ARID5B: variants seen among roughly 807,000 people sequenced by gnomAD.
The protein encoded by ARID5B is AT-rich interaction domain 5B.
In ARID5B, 13 loss-of-function variants were observed where a neutral mutation model predicts 97.2. That is an observed-to-expected ratio of 0.13 (90% CI 0.09 to 0.21). ARID5B has a LOEUF of 0.21. ARID5B is among the 10% of genes least tolerant of loss of function. The probability of loss-of-function intolerance (pLI) is 1.00; values close to 1 mark genes in which losing one functional copy is unlikely to be tolerated. For missense variants in ARID5B, 1,210 were observed against 1,465.3 expected (o/e 0.83, Z 2.84); for synonymous variants, 556 against 570.3 (o/e 0.97, Z 0.36).
At chr10:61,986,707 C>A (rs2132851388) in intron 3 of ARID5B, among the ~76,000 whole-genome samples, 1 of 152,256 alleles carries the variant, frequency 6.6e-6, no homozygotes, top group East Asian at 1.9e-4. Context: ...TGCTGTGGTG[C>A]CCCTTTTCCA....
rs61686931 is a variant in ARID5B at position 61,947,417 on chromosome 10, C to T, written c.502+7009C>T. ...CCAAGTAGCTGGGATTACAGGTGCCCGCCACCATGCCCAGCTAATTTTTGT... is the reference window on the plus strand; with the variant it reads ...CCAAGTAGCTGGGATTACAGGTGCCTGCCACCATGCCCAGCTAATTTTTGT... On this transcript the variant is annotated intron_variant, in intron 3 of 9. Coordinates refer to ENST00000279873, the MANE Select transcript of ARID5B (RefSeq NM_032199.3). 2.5e-3 allele frequency among the ~76,000 whole-genome samples: 376 copies of T among 151,690 alleles called. 3 individuals are homozygous for T. Among genetic ancestry groups the T allele is most frequent in the African/African-American group, 8.7e-3 (358 of 41,324 alleles).
At chr10:62,048,103 A>G (rs1007054493) in intron 4 of ARID5B, among the ~76,000 whole-genome samples, 1 of 152,232 alleles carries the variant, frequency 6.6e-6, no homozygotes, top group East Asian at 1.9e-4. Flanking sequence ...ATAAGTAGTA[A>G]AGGTGAATGC....
chr10:61,969,670 T>G (rs1838597429), intron 3 of ARID5B, among the ~76,000 whole-genome samples: 1 of 152,184 alleles, frequency 6.6e-6, no homozygotes, highest in African/African-American at 2.4e-5. Flanking sequence ...CTGCCATGAG[T>G]GTGAAAGAGG....
intron 3 of ARID5B, among the ~76,000 whole-genome samples, chr10:61,971,994 T>C (rs1160463351): frequency 1.3e-5 from 2 of 152,186 alleles, no homozygotes; most frequent in Non-Finnish European, 2.9e-5. Context: ...TTTCTTTCTC[T>C]ATGTCCACGT....
At chr10:61,972,127 C>CA (rs1838636196) in intron 3 of ARID5B, among the ~76,000 whole-genome samples, 1 of 151,358 alleles carries the variant, frequency 6.6e-6, no homozygotes, top group Non-Finnish European at 1.5e-5. Context: ...ACTGAGATAA[C>CA]TAGTGTTGAT....
chr10:61,944,233 A>G (rs967217371), intron 3 of ARID5B, among the ~76,000 whole-genome samples: 2 of 152,232 alleles, frequency 1.3e-5, no homozygotes, highest in African/African-American at 2.4e-5. Flanking sequence ...TAAGGAATGT[A>G]TTATTCATAA....
Position 61,921,971 on chromosome 10 carries a change from A to G in ARID5B, c.277-18212A>G, listed in dbSNP as rs187298201. On this transcript the variant is annotated intron_variant, in intron 2 of 9. Coordinates refer to ENST00000279873, the MANE Select transcript of ARID5B (RefSeq NM_032199.3). Reference sequence around the variant, plus strand: ...ATCCTCCCACCTCAGCCTTCCAAATAGCTGGGACCACAGGCGTGCACCACT... The same window carrying G: ...ATCCTCCCACCTCAGCCTTCCAAATGGCTGGGACCACAGGCGTGCACCACT... 1.6e-3 allele frequency among the ~76,000 whole-genome samples: 242 copies of G among 152,234 alleles called. 1 individual carries two copies. The highest frequency in any genetic ancestry group is 5.4e-3 in the African/African-American group (224 of 41,548).
At chr10:61,994,974 G>A (rs1488964184) in intron 3 of ARID5B, among the ~76,000 whole-genome samples, 3 of 152,054 alleles carry the variant, frequency 2.0e-5, no homozygotes, top group Non-Finnish European at 2.9e-5. Flanking sequence ...TTCAGGAATG[G>A]GATGACATTT....
At chr10:61,992,645 C>T (rs1362355410) in intron 3 of ARID5B, among the ~76,000 whole-genome samples, 2 of 152,022 alleles carry the variant, frequency 1.3e-5, no homozygotes, top group African/African-American at 4.8e-5. Flanking sequence ...GTTGCCTATC[C>T]TGGGAAGATC....
At chr10:61,956,377 A>C (rs1394881180) in intron 3 of ARID5B, among the ~76,000 whole-genome samples, 3 of 152,216 alleles carry the variant, frequency 2.0e-5, no homozygotes, top group Non-Finnish European at 4.4e-5. Context: ...CAGTCCATGG[A>C]AAAACTGCCT....
intron 3 of ARID5B, among the ~76,000 whole-genome samples, chr10:61,943,954 A>G (rs1844459445): frequency 6.6e-6 from 1 of 152,122 alleles, no homozygotes; most frequent in African/African-American, 2.4e-5. Context: ...AACTCTCTAG[A>G]GTTTTCATTT....
intron 2 of ARID5B, among the ~76,000 whole-genome samples, chr10:61,924,203 C>T (rs1844063418): frequency 6.6e-6 from 1 of 152,220 alleles, no homozygotes; most frequent in Admixed American, 6.5e-5. Context: ...TGTACAACCT[C>T]CCCGAGGAGG....
intron 8 of ARID5B, among the ~76,000 whole-genome samples, chr10:62,085,167 A>C (rs1046145764): frequency 7.9e-5 from 12 of 152,224 alleles, no homozygotes; most frequent in Non-Finnish European, 1.5e-4. Context: ...AGAGAATAAT[A>C]ATAATACTCC....
intron 4 of ARID5B, among the ~76,000 whole-genome samples, chr10:62,035,356 C>A (rs1839548546): frequency 6.6e-6 from 1 of 152,170 alleles, no homozygotes; most frequent in Non-Finnish European, 1.5e-5. Context: ...TATTGAACAC[C>A]TACTATAATG....
At chr10:61,978,066 C>G (rs1192753337) in intron 3 of ARID5B, among the ~76,000 whole-genome samples, 1 of 152,182 alleles carries the variant, frequency 6.6e-6, no homozygotes, top group Non-Finnish European at 1.5e-5. Context: ...CCAGTTTCAG[C>G]TTTCTACATA....
At position 62,091,012 on chromosome 10, in the gene ARID5B, G is replaced by T; in HGVS notation, c.1549G>T (p.Asp517Tyr). Residue 517 changes from aspartate (D) to tyrosine (Y), a missense_variant, in exon 10 of 10, where the codon GAC becomes TAC. This residue lies in a region of ARID5B where 800 missense variants were observed against 839.1 expected (regional missense o/e 0.95). Coordinates refer to ENST00000279873, the MANE Select transcript of ARID5B (RefSeq NM_032199.3). ...GGCATCCAGAGTAGACCCAGAGAAG[G>T]ACAACGAAACAGACCAAGGTTCCAA... is the stretch of plus-strand genomic sequence containing the variant. ...PLASRVDPEK[D>Y]NETDQGSNSE... is the part of the protein sequence containing the mutation. 6.2e-7 allele frequency: 1 copy of T among 1,614,118 alleles called. No homozygotes were observed. Among genetic ancestry groups the T allele is most frequent in the Non-Finnish European group, 8.5e-7 (1 of 1,180,026 alleles).
At chr10:62,063,549 C>G (rs1589280367) in intron 7 of ARID5B, among the ~76,000 whole-genome samples, 1 of 151,832 alleles carries the variant, frequency 6.6e-6, no homozygotes, top group African/African-American at 2.4e-5. Context: ...TCATTGTAAG[C>G]CTTTATAGCA....
chr10:61,964,579 T>C (rs1838517778), intron 3 of ARID5B, among the ~76,000 whole-genome samples: 1 of 152,226 alleles, frequency 6.6e-6, no homozygotes, highest in African/African-American at 2.4e-5. Context: ...ACTCCATTCT[T>C]TAAATAGCTT....
chr10:61,952,181 C>T (rs1364691915), intron 3 of ARID5B, among the ~76,000 whole-genome samples: 1 of 152,196 alleles, frequency 6.6e-6, no homozygotes, highest in Non-Finnish European at 1.5e-5. Flanking sequence ...ACCACATGTA[C>T]TCAGTCCCCT....
Sources: gnomAD v4.1 joint callset for allele counts (sites outside exome capture counted in the v4.1 genomes callset) on GRCh38, gnomAD v4.1.1 for gene constraint, gnomAD v4.1.1 regional missense constraint, MANE v1.5 for transcripts, NCBI Gene and HGNC (gene_info 2026-07-23, HGNC 2026-07-21) for gene names.